Variants in MMEL1 observed in about 807,000 individuals in gnomAD.
MMEL1 encodes the protein membrane metallo-endopeptidase-like 1.
Under a neutral mutation model 117.1 loss-of-function variants are expected in MMEL1, and 98 were observed. The ratio of observed to expected loss-of-function variants is 0.84; its 90% CI spans 0.71 to 0.99. The LOEUF is 0.99. Among genes scored for constraint, MMEL1 ranks in the 50% least tolerant of loss-of-function variants. The pLI is 0.00. For synonymous variants in MMEL1, 390 were observed against 415.1 expected (o/e 0.94, Z 0.74); for missense variants, 1,014 against 1,049.1 (o/e 0.97, Z 0.46).
At chr1:2,601,884 G>A (rs1039760106) in intron 11 of MMEL1, among the ~76,000 whole-genome samples, 8 of 152,238 alleles carry the variant, frequency 5.3e-5, no homozygotes, top group Non-Finnish European at 8.8e-5. Context: ...GCTGAGAACG[G>A]ACACCACCCA....
rs373607271 is a variant in MMEL1 at position 2,629,501 on chromosome 1, G to T, written c.-17C>A. ...CTTCCCCATCAGCAGGGCTCTGGAC[G>T]GGAGAGCACCGCGGAGGAACCTGCA... On this transcript the variant is annotated 5_prime_UTR_variant, in exon 2 of 24. Transcript: ENST00000378412. The T allele has an allele frequency of 6.8e-7, 1 of 1,463,926 alleles. No homozygotes were observed. The highest frequency in any genetic ancestry group is 9.1e-7 in the Non-Finnish European group (1 of 1,104,944). The allele number at this position is 1,463,926 out of a possible 1,614,324, so 90.7% of individuals were successfully genotyped here.
intron 11 of MMEL1, among the ~76,000 whole-genome samples, chr1:2,602,861 G>A (rs1644955765): frequency 6.6e-6 from 1 of 151,756 alleles, no homozygotes; most frequent in Non-Finnish European, 1.5e-5. Context: ...CTGCTGTCCT[G>A]GCTGAGCTCA....
chr1:2,603,150 C>G (rs1262619770), intron 11 of MMEL1, among the ~76,000 whole-genome samples: 2 of 152,336 alleles, frequency 1.3e-5, no homozygotes, highest in East Asian at 3.9e-4. Context: ...CAGAGTCTCT[C>G]TGTCTTGCCC....
At chr1:2,604,054 G>A (rs1644978818) in intron 10 of MMEL1, 81 bp from the exon 11 acceptor site, 1 of 1,578,752 alleles carries the variant, frequency 6.3e-7, no homozygotes, top group Non-Finnish European at 8.6e-7. Flanking sequence ...CCTGCTACCG[G>A]CCCACCCAGC....
chr1:2,592,736 A>G lies in MMEL1; in HGVS notation c.2002-16T>C, dbSNP rs953388362. 20 of 1,611,216 alleles carry G rather than the reference A, an allele frequency of 1.2e-5. No homozygotes were observed. The highest frequency in any genetic ancestry group is 1.7e-5 in the Non-Finnish European group (20 of 1,178,884). On this transcript the variant is annotated splice_polypyrimidine_tract_variant and intron_variant, in intron 20 of 23. Transcript: ENST00000378412. ...ATCCGTTCACCTGCGCACAGGAGAC[A>G]GGATTGGGGCAGCCCCGGCCCTGAC...
intron 6 of MMEL1, 110 bp from the exon 7 acceptor site, chr1:2,607,179 C>A: frequency 1.1e-6 from 1 of 869,590 alleles, no homozygotes; most frequent in Non-Finnish European, 1.8e-6. Flanking sequence ...ACAGCCCCTG[C>A]AGTGCTCCGC....
chr1:2,603,763 G>T, intron 11 of MMEL1, 121 bp downstream of exon 11: 1 of 843,230 alleles, frequency 1.2e-6, no homozygotes, highest in Non-Finnish European at 1.9e-6. Flanking sequence ...CTCCCTGCTC[G>T]GGGATGGGGA....
At position 2,623,659 on chromosome 1, in the gene MMEL1, A is replaced by C. The variant is rs541556992; in HGVS notation, c.154+5672T>G. ...GAGTAGCCGGGAGCCCCCATCACGA[A>C]GAGGTTTTCAATCACTCCATGTTCT... On this transcript the variant is annotated intron_variant, in intron 2 of 23. Transcript: ENST00000378412. 4.9e-4 allele frequency among the ~76,000 whole-genome samples: 74 copies of C among 152,338 alleles called. 1 individual carries two copies. The highest frequency in any genetic ancestry group is 1.8e-3 in the African/African-American group (73 of 41,576).
chr1:2,596,590 C>G lies in MMEL1; in HGVS notation c.1372G>C (p.Glu458Gln), dbSNP rs768091793. The G allele has an allele frequency of 1.2e-6, 2 of 1,612,328 alleles. No individual in the cohort carries two copies. Among genetic ancestry groups the G allele is most frequent in the Non-Finnish European group, 8.5e-7 (1 of 1,179,796 alleles). The change falls in exon 14 of 24, where the codon GAG becomes CAG. Residue 458 changes from glutamate (E) to glutamine (Q), a missense_variant. Physicochemically the swap from Glu to Gln is conservative, Grantham distance 29 (BLOSUM62 2). Transcript: ENST00000378412. The part of the protein sequence containing the change: ...ENAVGSLYVR[E>Q]AFPGDSKSMV... ...CTCTTGCTGTCTCCAGGGAACGCCT[C>G]CCTGACGTAGAGGGAGCCCACGGCG...
chr1:2,597,015 C>T (rs796973338), intron 13 of MMEL1, among the ~76,000 whole-genome samples: 19 of 152,212 alleles, frequency 1.2e-4, no homozygotes, highest in African/African-American at 4.3e-4. Context: ...AGTCTCAAGG[C>T]ACAGGGCTGG....
chr1:2,621,626 C>T (rs561227440), intron 2 of MMEL1, among the ~76,000 whole-genome samples: 28 of 151,842 alleles, frequency 1.8e-4, no homozygotes, highest in African/African-American at 5.3e-4. Context: ...TGCAATGGCA[C>T]GATCTCGGCT....
rs185216324 is a variant in MMEL1, at chr1:2,624,272, A to G, written c.154+5059T>C. ...CCAAGGCTGGAGCAGGCAAGAGGAG[A>G]GAACCGTCTGGTCCCCGGGCTGACT... On this transcript the variant is annotated intron_variant, in intron 2 of 23. Coordinates refer to ENST00000378412, the MANE Select transcript of MMEL1 (RefSeq NM_033467.4). Among the ~76,000 whole-genome samples, 554 of 152,316 alleles carry G rather than the reference A, an allele frequency of 3.6e-3. 3 individuals carry two copies. The highest frequency in any genetic ancestry group is 6.1e-3 in the Non-Finnish European group (416 of 68,036).
intron 17 of MMEL1, 149 bp from the exon 18 acceptor site, chr1:2,594,592 T>C: frequency 9.1e-7 from 1 of 1,104,548 alleles, no homozygotes; most frequent in Non-Finnish European, 1.3e-6. Context: ...CTGGGGTCCC[T>C]GAGGAGGAGG....
chr1:2,612,664 A>G lies in MMEL1; in HGVS notation c.155-460T>C, dbSNP rs1007000466. Among the ~76,000 whole-genome samples the G allele has an allele frequency of 6.6e-6, 1 of 151,906 alleles. No individual in the cohort carries two copies. The highest frequency in any genetic ancestry group is 3.4e-3 in the Middle Eastern group (1 of 294). On this transcript the variant is annotated intron_variant, in intron 2 of 23. Transcript: ENST00000378412. The surrounding 1 kb of genome is among the most constrained non-coding windows in gnomAD (Gnocchi z 5.4). The stretch of plus-strand genomic sequence containing the variant: ...TTTCAGAGAGGGTGGCTTCCCACTA[A>G]TGACCCTTGTCCCTAGCCCCTCCAC...
intron 11 of MMEL1, among the ~76,000 whole-genome samples, chr1:2,601,887 AC>A (rs1273115078): frequency 2.0e-5 from 3 of 152,240 alleles, no homozygotes; most frequent in African/African-American, 7.2e-5. Flanking sequence ...GAGAACGGAC[AC>A]CACCCAGCAC....
At chr1:2,605,728 C>T (rs1291825135) in intron 8 of MMEL1, 105 bp from the exon 9 acceptor site, 16 of 771,242 alleles carry the variant, frequency 2.1e-5, no homozygotes, top group South Asian at 1.6e-4. Flanking sequence ...CCCGTGCACA[C>T]GTGCTCTGCC....
At chr1:2,598,399 G>A in intron 12 of MMEL1, 99 bp from the exon 13 acceptor site, 1 of 1,309,244 alleles carries the variant, frequency 7.6e-7, no homozygotes, top group Non-Finnish European at 1.1e-6. Flanking sequence ...TTCCACCCCA[G>A]AGAGTTATGG....
chr1:2,623,125 C>A (rs933941018), intron 2 of MMEL1, among the ~76,000 whole-genome samples: 2 of 150,988 alleles, frequency 1.3e-5, no homozygotes, highest in Non-Finnish European at 2.9e-5. Flanking sequence ...GCCGAGATCA[C>A]GCCACTGCAC....
intron 1 of MMEL1, 163 bp from the exon 2 acceptor site, chr1:2,629,684 G>T: frequency 1.7e-6 from 1 of 596,678 alleles, no homozygotes; most frequent in Non-Finnish European, 2.7e-6. Flanking sequence ...ACTGGGTCCC[G>T]GGACTTTCCA....
Sources: allele counts gnomAD v4.1 joint callset (sites outside exome capture counted in the v4.1 genomes callset), GRCh38; gene constraint gnomAD v4.1.1; non-coding constraint Gnocchi (gnomAD v3.1); transcripts MANE v1.5; gene names NCBI Gene and HGNC (gene_info 2026-07-23, HGNC 2026-07-21).